The following RGS3 variants were observed in gnomAD, a reference collection of about 807,000 sequenced individuals.
RGS3 encodes regulator of G protein signaling 3.
RGS3 carries 80 observed loss-of-function variants against 132.6 expected under a neutral mutation model. The observed-to-expected ratio is 0.60, with a 90% confidence interval of 0.50 to 0.73. The LOEUF (loss-of-function observed/expected upper bound fraction) is 0.73. Ranked by LOEUF, RGS3 falls within the 30% of genes least tolerant of loss-of-function variation. The probability of loss-of-function intolerance (pLI) is 0.00; values close to 1 mark genes in which losing one functional copy is unlikely to be tolerated. For synonymous variants in RGS3, 598 were observed against 620.6 expected, an observed-to-expected ratio of 0.96 and a Z score of 0.54; for missense variants, 1,382 against 1,530.8, an observed-to-expected ratio of 0.90 and a Z score of 1.62.
chr9:113,583,630 C>T (rs1834938127), exon 20 of RGS3: 2 of 1,614,174 alleles, frequency 1.2e-6, no homozygotes, highest in South Asian at 1.1e-5. Flanking sequence ...CAGCCAAGAA[C>T]CACTGTCCAG....
chr9:113,492,148 A>G (rs1200463158), intron 7 of RGS3, among the ~76,000 whole-genome samples: 1 of 152,224 alleles, frequency 6.6e-6, no homozygotes, highest in African/African-American at 2.4e-5. Context: ...TGAGAGGGAG[A>G]ACTAAAGTGC....
chr9:113,483,247 T>C, intron 5 of RGS3, 130 bp downstream of exon 3: 1 of 682,032 alleles, frequency 1.5e-6, no homozygotes, highest in Non-Finnish European at 2.6e-6. Context: ...ACTCATCTTC[T>C]CAATAGGCAT....
intron 19 of RGS3, among the ~76,000 whole-genome samples, chr9:113,548,713 C>CT (rs1833214397): frequency 2.0e-5 from 3 of 152,054 alleles, no homozygotes; most frequent in Non-Finnish European, 4.4e-5. Flanking sequence ...CCTGGAGGCC[C>CT]GGAGAGCAGA....
At chr9:113,554,301 G>C (rs1402929790) in intron 19 of RGS3, among the ~76,000 whole-genome samples, 1 of 152,160 alleles carries the variant, frequency 6.6e-6, no homozygotes. Flanking sequence ...TAGTGAGGTT[G>C]AGATTCATTT....
chr9:113,554,235 G>A (rs1313836217), intron 19 of RGS3, among the ~76,000 whole-genome samples: 1 of 152,220 alleles, frequency 6.6e-6, no homozygotes, highest in Non-Finnish European at 1.5e-5. Context: ...TTAATTCTTT[G>A]TTGGTACAAG....
chr9:113,568,790 A>C (rs894867596), intron 19 of RGS3, among the ~76,000 whole-genome samples: 1 of 152,184 alleles, frequency 6.6e-6, no homozygotes, highest in East Asian at 1.9e-4. Context: ...AGCTGGAGCC[A>C]CTCACAGCAG....
At chr9:113,483,097 A>T in exon 5 of RGS3, 3 of 1,612,952 alleles carry the variant, frequency 1.9e-6, no homozygotes, top group Non-Finnish European at 2.5e-6. Context: ...ACAGCCTGGC[A>T]CCTGTGATCC....
At chr9:113,488,115 A>AG (rs1304479199) in intron 7 of RGS3, among the ~76,000 whole-genome samples, 3 of 152,004 alleles carry the variant, frequency 2.0e-5, no homozygotes, top group Non-Finnish European at 2.9e-5. Context: ...GGGGCTAGGG[A>AG]GGGGAAAACA....
At chr9:113,457,086 G>A (rs573869042), upstream of RGS3, among the ~76,000 whole-genome samples, 4 of 152,278 alleles carry the variant, frequency 2.6e-5, 1 homozygote, top group African/African-American at 9.6e-5. Context: ...GTGAGTCACC[G>A]CGCCTGGCCG....
upstream of RGS3, among the ~76,000 whole-genome samples, chr9:113,457,136 A>G (rs907183860): frequency 6.6e-6 from 1 of 152,054 alleles, no homozygotes; most frequent in Non-Finnish European, 1.5e-5. Context: ...TTTCTTGCAT[A>G]TTACTGATTC....
At chr9:113,512,072 G>T (rs1014614133) in intron 14 of RGS3, among the ~76,000 whole-genome samples, 4 of 152,182 alleles carry the variant, frequency 2.6e-5, no homozygotes, top group African/African-American at 9.7e-5. Context: ...TGGCCCTGGG[G>T]CAAGCGAGGC....
At chr9:113,543,660 C>T (rs1176029226) in intron 19 of RGS3, among the ~76,000 whole-genome samples, 1 of 152,236 alleles carries the variant, frequency 6.6e-6, no homozygotes, top group Non-Finnish European at 1.5e-5. Flanking sequence ...AGGCAGCAAG[C>T]TCATCTCTCC....
At chr9:113,568,585 G>A (rs1366175921) in intron 19 of RGS3, among the ~76,000 whole-genome samples, 1 of 152,238 alleles carries the variant, frequency 6.6e-6, no homozygotes, top group Non-Finnish European at 1.5e-5. Flanking sequence ...CAGCAGAGAA[G>A]CAGCCCCCAG....
chr9:113,543,112 A>G (rs1438705759), intron 19 of RGS3, among the ~76,000 whole-genome samples: 1 of 152,256 alleles, frequency 6.6e-6, no homozygotes, highest in Non-Finnish European at 1.5e-5. Context: ...GACACGGCTC[A>G]TGGGCAAAAG....
intron 13 of RGS3, among the ~76,000 whole-genome samples, chr9:113,508,010 G>C (rs1056728439): frequency 1.3e-5 from 2 of 152,202 alleles, no homozygotes; most frequent in African/African-American, 4.8e-5. Flanking sequence ...TGGGATGATG[G>C]AGTGCGCTCC....
At position 113,463,841 on chromosome 9, in the gene RGS3, G is replaced by A. The variant is rs991754699; in HGVS notation, c.415+1640G>A. On this transcript the variant is annotated intron_variant, in intron 3 of 24. Transcript: ENST00000350696. The surrounding 1 kb of genome is among the most constrained non-coding windows in gnomAD (Gnocchi z 4.6). ...TGCACCGCGTCTCCCTCGGGAGCCGGCGTGCCCACCCGGACTTGTCCTTCT... is the reference window on the plus strand; with the variant it reads ...TGCACCGCGTCTCCCTCGGGAGCCGACGTGCCCACCCGGACTTGTCCTTCT... 1 of 1,613,118 alleles carries A rather than the reference G, an allele frequency of 6.2e-7. No homozygotes were observed. The highest frequency in any genetic ancestry group is 1.1e-5 in the South Asian group (1 of 91,016).
chr9:113,536,866 C>T lies in RGS3; in HGVS notation c.1985C>T (p.Ser662Leu), dbSNP rs146280823. The stretch of plus-strand genomic sequence containing the variant: ...AAGAAGAGAGTGTGCTGGTGCCTGT[C>T]GGAGAACATCGCCAAGCAGCAACAG... Residue 662 changes from serine (S) to leucine (L), a missense_variant, in exon 19 of 25, where the codon TCG becomes TTG. By Grantham distance (145) the Ser-to-Leu change is moderately radical (BLOSUM62 -2). Coordinates refer to ENST00000350696, the Ensembl canonical transcript of RGS3. The T allele has an allele frequency of 1.1e-4, 170 of 1,614,154 alleles. No homozygotes were observed. Among genetic ancestry groups the T allele is most frequent in the South Asian group, 4.9e-4 (45 of 91,082 alleles).
chr9:113,528,381 C>G (rs191463354), intron 17 of RGS3, among the ~76,000 whole-genome samples: 96 of 152,294 alleles, frequency 6.3e-4, no homozygotes, highest in African/African-American at 2.2e-3. Context: ...GGCTGCTTCT[C>G]TGCACTTGCT....
At chr9:113,535,418 G>T (rs180789041) in intron 18 of RGS3, among the ~76,000 whole-genome samples, 152 of 152,300 alleles carry the variant, frequency 1.0e-3, no homozygotes, top group African/African-American at 3.5e-3. Context: ...TGATCCACCC[G>T]CCTCGGCCTC....
Sources: allele counts gnomAD v4.1 joint callset (sites outside exome capture counted in the v4.1 genomes callset), GRCh38; gene constraint gnomAD v4.1.1; non-coding constraint Gnocchi (gnomAD v3.1); transcripts MANE v1.5; gene names NCBI Gene and HGNC (gene_info 2026-07-23, HGNC 2026-07-21).